METTL25: variants seen among roughly 807,000 people sequenced by gnomAD.
METTL25 encodes the protein methyltransferase like 25, also known as probable methyltransferase-like protein 25.
METTL25 carries 64 observed loss-of-function variants against 71.6 expected under a neutral mutation model. The observed-to-expected ratio is 0.89, with a 90% confidence interval of 0.73 to 1.10. The LOEUF (loss-of-function observed/expected upper bound fraction) is 1.10. METTL25 is among the 50% of genes least tolerant of loss of function. The pLI is 0.00. For missense variants in METTL25, 807 were observed against 707.0 expected, an observed-to-expected ratio of 1.14 and a Z score of -1.60; for synonymous variants, 287 against 250.3, an observed-to-expected ratio of 1.15 and a Z score of -1.38.
In METTL25 at chr12:82,479,032, T is replaced by C; in HGVS notation, c.*8T>C. The C allele has an allele frequency of 1.2e-6, 2 of 1,608,756 alleles. No homozygotes were observed. On this transcript the variant is annotated 3_prime_UTR_variant, in exon 12 of 12. Coordinates refer to ENST00000248306, the MANE Select transcript of METTL25 (RefSeq NM_032230.3). ...CTGAAGAAGCAGCAGTGATTTCCAT[T>C]GAAGCAAATTATTAGATGTATTTCT...
chr12:82,396,390 A>G (rs1004636617), intron 3 of METTL25, among the ~76,000 whole-genome samples: 1 of 152,054 alleles, frequency 6.6e-6, no homozygotes, highest in African/African-American at 2.4e-5. Context: ...AACTGGTCTC[A>G]TTGTAAGACC....
chr12:82,406,290 T>C (rs957624290), intron 5 of METTL25, among the ~76,000 whole-genome samples: 6 of 152,200 alleles, frequency 3.9e-5, no homozygotes, highest in Non-Finnish European at 7.3e-5. Context: ...AAAAACTATT[T>C]AGAATAGAAA....
Position 82,358,894 on chromosome 12 carries a change from C to G in METTL25, c.259+70C>G, listed in dbSNP as rs924130869. On this transcript the variant is annotated intron_variant, in intron 1 of 11. Coordinates refer to ENST00000248306, the MANE Select transcript of METTL25 (RefSeq NM_032230.3). Reference sequence around the variant, plus strand: ...GGTCCCGGCAGACGAAGCGAGCCCCCTGGTGGAAGCCAGCAGAACCAGGTG... The same window carrying G: ...GGTCCCGGCAGACGAAGCGAGCCCCGTGGTGGAAGCCAGCAGAACCAGGTG... 1.1e-5 allele frequency: 17 copies of G among 1,530,626 alleles called. No homozygotes were observed. The African/African-American group carries it at 2.1e-4, about 19-fold the overall frequency. 94.8% of individuals were successfully genotyped at this position (1,530,626 alleles called of 1,614,324 possible). A position where few individuals can be genotyped will look rare whatever the true frequency, so the allele number is the denominator to read the frequency against.
intron 1 of METTL25, among the ~76,000 whole-genome samples, chr12:82,370,366 C>G (rs1210114386): frequency 6.6e-6 from 1 of 151,512 alleles, no homozygotes; most frequent in Non-Finnish European, 1.5e-5. Context: ...GCCACGGGAC[C>G]TAGAAAGGGG....
chr12:82,471,704 C>A (rs1158888453), intron 9 of METTL25, among the ~76,000 whole-genome samples: 2 of 152,102 alleles, frequency 1.3e-5, no homozygotes, highest in African/African-American at 4.8e-5. Flanking sequence ...CTTGTGAAAA[C>A]CATTATAGAT....
At chr12:82,460,640 A>G (rs1357899160) in intron 9 of METTL25, among the ~76,000 whole-genome samples, 1 of 152,222 alleles carries the variant, frequency 6.6e-6, no homozygotes. Context: ...TCTACAAAAT[A>G]CCTGATCAGT....
At chr12:82,427,861 A>G in intron 5 of METTL25, among the ~76,000 whole-genome samples, 1 of 151,994 alleles carries the variant, frequency 6.6e-6, no homozygotes, top group East Asian at 1.9e-4. Context: ...CATTAAGATG[A>G]AGATTTAAAT....
At chr12:82,390,854 A>G (rs1250494256) in intron 3 of METTL25, among the ~76,000 whole-genome samples, 1 of 152,118 alleles carries the variant, frequency 6.6e-6, no homozygotes, top group Non-Finnish European at 1.5e-5. Context: ...GCCCTCCCCC[A>G]TGGTGCCATA....
chr12:82,377,135 A>T (rs1883956014), intron 1 of METTL25, among the ~76,000 whole-genome samples: 1 of 152,138 alleles, frequency 6.6e-6, no homozygotes, highest in South Asian at 2.1e-4. Context: ...GAAAGAAAGA[A>T]AATATTGTAA....
At chr12:82,359,581 TA>T (rs1214339321) in intron 1 of METTL25, among the ~76,000 whole-genome samples, 1 of 152,240 alleles carries the variant, frequency 6.6e-6, no homozygotes, top group African/African-American at 2.4e-5. Flanking sequence ...GTTAGGAGAC[TA>T]CCTCAGTAGT....
chr12:82,399,400 T>A lies in METTL25; in HGVS notation c.1131+6T>A, dbSNP rs1374699928. On this transcript the variant is annotated splice_donor_region_variant and intron_variant, in intron 4 of 11. Transcript: ENST00000248306. ...ACATTATTAAAGATTTGGAGGTGACTTTACCTTTGAATTATTTAATTTGAT... is the reference window on the plus strand; with the variant it reads ...ACATTATTAAAGATTTGGAGGTGACATTACCTTTGAATTATTTAATTTGAT... 6.5e-7 allele frequency: 1 copy of A among 1,549,730 alleles called. No individual in the cohort carries two copies. The highest frequency in any genetic ancestry group is 2.3e-5 in the East Asian group (1 of 44,390).
At chr12:82,393,982 A>G (rs1885851690) in intron 3 of METTL25, among the ~76,000 whole-genome samples, 1 of 151,826 alleles carries the variant, frequency 6.6e-6, no homozygotes, top group Non-Finnish European at 1.5e-5. Context: ...ATTTCACTCT[A>G]ATTTCTTCAT....
intron 1 of METTL25, among the ~76,000 whole-genome samples, chr12:82,370,823 C>T (rs981038434): frequency 6.6e-6 from 1 of 152,040 alleles, no homozygotes; most frequent in East Asian, 1.9e-4. Context: ...TCTTTCCTTT[C>T]TGCTGGCCTT....
chr12:82,466,131 T>C (rs1015503486), intron 9 of METTL25, among the ~76,000 whole-genome samples: 15 of 151,764 alleles, frequency 9.9e-5, no homozygotes, highest in Non-Finnish European at 5.9e-5. Flanking sequence ...TCTACTAATT[T>C]CGGATTTGGC....
At chr12:82,402,960 A>G in intron 4 of METTL25, 23 bp from the exon 5 acceptor site, 2 of 1,555,382 alleles carry the variant, frequency 1.3e-6, no homozygotes. Context: ...ACCAAATTTT[A>G]TTTTTCTTCT....
intron 4 of METTL25, among the ~76,000 whole-genome samples, chr12:82,399,766 C>T (rs1886417732): frequency 6.6e-6 from 1 of 152,046 alleles, no homozygotes; most frequent in Admixed American, 6.6e-5. Flanking sequence ...GTTACACTTG[C>T]CAATATGGAA....
rs1882993664 is a variant in METTL25 at position 82,369,700 on chromosome 12, A to G, written c.259+10876A>G. The G allele has an allele frequency of 8.6e-6, 2 of 233,170 alleles. 1 individual carries two copies. Among genetic ancestry groups the G allele is most frequent in the South Asian group, 9.4e-5 (2 of 21,366 alleles). 14.4% of individuals were successfully genotyped at this position (233,170 alleles called of 1,614,324 possible). A position where few individuals can be genotyped will look rare whatever the true frequency, so the allele number is the denominator to read the frequency against. ...GTTGCTGCTGTTGGCTGGGGTGGCC[A>G]GCTTTTATTCCCTTATTTGACCCCA... is the stretch of plus-strand genomic sequence containing the variant. On this transcript the variant is annotated intron_variant, in intron 1 of 11. Transcript: ENST00000248306.
intron 9 of METTL25, among the ~76,000 whole-genome samples, chr12:82,475,228 C>T (rs1366975566): frequency 1.3e-5 from 2 of 152,172 alleles, no homozygotes; most frequent in Admixed American, 1.3e-4. Context: ...TGTAATTCAA[C>T]ACACGCAATT....
chr12:82,407,452 G>A (rs1309247999), intron 5 of METTL25, among the ~76,000 whole-genome samples: 1 of 152,116 alleles, frequency 6.6e-6, no homozygotes, highest in Non-Finnish European at 1.5e-5. Context: ...CTCCCTATAG[G>A]AATAGTAAAC....
Sources: gnomAD v4.1 joint callset for allele counts (sites outside exome capture counted in the v4.1 genomes callset) on GRCh38, gnomAD v4.1.1 for gene constraint, MANE v1.5 for transcripts, NCBI Gene and HGNC (gene_info 2026-07-23, HGNC 2026-07-21) for gene names.